The following RALGAPA1 variants were observed in gnomAD, a reference collection of about 807,000 sequenced individuals.
The protein encoded by RALGAPA1 is ral GTPase-activating protein subunit alpha-1.
In RALGAPA1, 52 loss-of-function variants were observed where a neutral mutation model predicts 269.6. That is an observed-to-expected ratio of 0.19 (90% CI 0.15 to 0.24). The LOEUF is 0.24. Ranked by LOEUF, RALGAPA1 falls within the 10% of genes least tolerant of loss-of-function variation. The pLI is 1.00. For missense variants in RALGAPA1, 1,917 were observed against 3,013.9 expected, an observed-to-expected ratio of 0.64 and a Z score of 8.52; for synonymous variants, 817 against 1,008.3, an observed-to-expected ratio of 0.81 and a Z score of 3.60.
rs1418480790 is a variant in RALGAPA1, at chr14:35,721,798, C to T, written c.2156G>A (p.Gly719Glu). The T allele has an allele frequency of 2.5e-6, 4 of 1,613,026 alleles. No individual in the cohort carries two copies. The African/African-American group carries it at 4.0e-5, about 16-fold the overall frequency. ...KVSVDKSFSR[G>E]WSRDQPGQAP... Reference sequence around the variant, plus strand: ...TTGGCCAGGCTGATCACGACTCCATCCTCTAGAAAATGACTTGTCAACTGA... The same window carrying T: ...TTGGCCAGGCTGATCACGACTCCATTCTCTAGAAAATGACTTGTCAACTGA... The change falls in exon 16 of 42, where the codon GGA becomes GAA. Residue 719 changes from glycine to glutamate, a missense_variant. Gly to Glu is a moderately conservative substitution (Grantham distance 98). Around this residue, in one of 11 missense-constraint regions of RALGAPA1, gnomAD observed 125 missense variants for 155.7 expected, o/e 0.80. Transcript: ENST00000680220.
At chr14:35,610,716 C>T (rs2059878384) in intron 35 of RALGAPA1, among the ~76,000 whole-genome samples, 1 of 152,128 alleles carries the variant, frequency 6.6e-6, no homozygotes, top group Non-Finnish European at 1.5e-5. Context: ...CATGAGGTGA[C>T]TTTTTATATA....
At chr14:35,747,084 C>T (rs929715451) in intron 10 of RALGAPA1, among the ~76,000 whole-genome samples, 5 of 151,780 alleles carry the variant, frequency 3.3e-5, no homozygotes, top group African/African-American at 9.7e-5. Context: ...AGGCCCAAGG[C>T]AGGAGGATTG....
At chr14:35,687,016 G>A (rs1045785291) in intron 18 of RALGAPA1, among the ~76,000 whole-genome samples, 2 of 152,008 alleles carry the variant, frequency 1.3e-5, no homozygotes, top group African/African-American at 4.8e-5. Context: ...TTATAATTCC[G>A]TATTTCCCCC....
At chr14:35,650,401 A>T (rs1294742521) in intron 31 of RALGAPA1, among the ~76,000 whole-genome samples, 1 of 152,070 alleles carries the variant, frequency 6.6e-6, no homozygotes, top group East Asian at 1.9e-4. Context: ...AAAATGTTAA[A>T]AATTTAAAAT....
At position 35,630,975 on chromosome 14, in the gene RALGAPA1, A is replaced by G. The variant is rs199965482; in HGVS notation, c.5996-3024T>C. 7.2e-5 allele frequency among the ~76,000 whole-genome samples: 11 copies of G among 152,288 alleles called. No homozygotes were observed. In the East Asian group the frequency reaches 1.9e-3, roughly 27 times the overall value. The stretch of plus-strand genomic sequence containing the variant: ...CTAATAACCAGCCATTCAATACTAG[A>G]TTAATAACACTAAATGATTAACTTT... On this transcript the variant is annotated intron_variant, in intron 33 of 41. Coordinates refer to ENST00000680220, the MANE Select transcript of RALGAPA1 (RefSeq NM_001346249.2).
rs1566864061 is a variant in RALGAPA1, at chr14:35,627,527, G to C, written c.6420C>G (p.His2140Gln). The C allele has an allele frequency of 5.0e-6, 8 of 1,596,444 alleles. No individual in the cohort carries two copies. The highest frequency in any genetic ancestry group is 6.8e-6 in the Non-Finnish European group (8 of 1,173,328). ...EPTSFMLSLS[H>Q]QEKPEEPPTS... ...TCGGAGGCTCTTCTGGCTTCTCTTG[G>C]TGAGACAATGAAAGCATGAAAGATG... Residue 2140 changes from histidine to glutamine, a missense_variant, in exon 34 of 42, where the codon CAC (histidine) becomes CAG (glutamine). His to Gln is a conservative substitution (Grantham distance 24). Transcript: ENST00000680220.
At chr14:35,775,469 T>C (rs2074951086) in intron 2 of RALGAPA1, among the ~76,000 whole-genome samples, 166 bp downstream of exon 2, 2 of 152,160 alleles carry the variant, frequency 1.3e-5, no homozygotes, top group African/African-American at 4.8e-5. Context: ...ACCCATCAGT[T>C]GTCTTTAAAA....
intron 4 of RALGAPA1, chr14:35,766,071 A>T: frequency 7.9e-7 from 1 of 1,268,642 alleles, no homozygotes; most frequent in South Asian, 1.2e-5. Flanking sequence ...TGCAGTTGCC[A>T]TATCGGCATT....
At chr14:35,571,838 T>C (rs2057228692) in intron 38 of RALGAPA1, among the ~76,000 whole-genome samples, 1 of 152,180 alleles carries the variant, frequency 6.6e-6, no homozygotes, top group Non-Finnish European at 1.5e-5. Context: ...TGGCCTCTGG[T>C]TTAGGTGAAC....
intron 37 of RALGAPA1, among the ~76,000 whole-genome samples, chr14:35,581,018 C>T (rs1279423065): frequency 6.6e-6 from 1 of 152,068 alleles, no homozygotes; most frequent in Non-Finnish European, 1.5e-5. Flanking sequence ...TAATGATATC[C>T]AATTGTTCAT....
Position 35,806,221 on chromosome 14 carries a change from G to A in RALGAPA1, c.106+2509C>T, listed in dbSNP as rs533523408. Among the ~76,000 whole-genome samples the A allele has an allele frequency of 1.4e-4, 22 of 152,148 alleles. No homozygotes were observed. The South Asian group carries it at 4.1e-3, about 29-fold the overall frequency. On this transcript the variant is annotated intron_variant, in intron 1 of 41. Coordinates refer to ENST00000680220, the MANE Select transcript of RALGAPA1 (RefSeq NM_001346249.2). ...GCACTTTTTATTTTTATATCAAGAGGACTGAACTGTTAGCTGTAAAGTAGA... is the reference window on the plus strand; with the variant it reads ...GCACTTTTTATTTTTATATCAAGAGAACTGAACTGTTAGCTGTAAAGTAGA...
intron 33 of RALGAPA1, among the ~76,000 whole-genome samples, chr14:35,633,976 T>C (rs2061509785): frequency 6.6e-6 from 1 of 152,140 alleles, no homozygotes; most frequent in African/African-American, 2.4e-5. Flanking sequence ...ACTTAGTACT[T>C]AAAAAAACCT....
At chr14:35,645,396 T>TGTGTGTGTGTGTGTTG (rs1298109818) in intron 31 of RALGAPA1, among the ~76,000 whole-genome samples, 1 of 149,784 alleles carries the variant, frequency 6.7e-6, no homozygotes, top group African/African-American at 2.5e-5. Context: ...TGTGTATATG[T>TGTGTGTGTGTGTGTTG]TATGTATTTC....
intron 8 of RALGAPA1, among the ~76,000 whole-genome samples, chr14:35,751,108 T>C (rs2072641697): frequency 6.6e-6 from 1 of 152,148 alleles, no homozygotes. Flanking sequence ...AAAGAGACAA[T>C]TTACCTACGG....
chr14:35,740,105 A>G (rs1468116188), intron 11 of RALGAPA1, among the ~76,000 whole-genome samples: 2 of 152,084 alleles, frequency 1.3e-5, no homozygotes, highest in Non-Finnish European at 2.9e-5. Flanking sequence ...CTTTTATCTT[A>G]TACTATCTCT....
chr14:35,787,879 G>C (rs911977933), intron 1 of RALGAPA1, among the ~76,000 whole-genome samples: 4 of 151,956 alleles, frequency 2.6e-5, no homozygotes, highest in Non-Finnish European at 5.9e-5. Context: ...ACTGCACCCA[G>C]ACCCTAATTT....
At chr14:35,612,130 T>C (rs1467897395) in intron 35 of RALGAPA1, among the ~76,000 whole-genome samples, 1 of 151,860 alleles carries the variant, frequency 6.6e-6, no homozygotes, top group Non-Finnish European at 1.5e-5. Flanking sequence ...TCCCAGCACT[T>C]TGGGAGGCTG....
chr14:35,774,594 G>C (rs2074877914), intron 3 of RALGAPA1, among the ~76,000 whole-genome samples: 1 of 152,032 alleles, frequency 6.6e-6, no homozygotes, highest in African/African-American at 2.4e-5. Flanking sequence ...AAACAAGTTT[G>C]CAATGAAAAG....
chr14:35,550,607 G>GA (rs1438720779), intron 39 of RALGAPA1, among the ~76,000 whole-genome samples: 4 of 150,808 alleles, frequency 2.7e-5, no homozygotes, highest in Non-Finnish European at 4.4e-5. Context: ...AGTAAGAAGA[G>GA]AAAAAAAAAG....
Sources: gnomAD v4.1 joint callset for allele counts (sites outside exome capture counted in the v4.1 genomes callset) on GRCh38, gnomAD v4.1.1 for gene constraint, gnomAD v4.1.1 regional missense constraint, MANE v1.5 for transcripts, NCBI Gene and HGNC (gene_info 2026-07-23, HGNC 2026-07-21) for gene names.